The following PCDH7 variants were observed in gnomAD, a reference collection of about 807,000 sequenced individuals.
PCDH7 encodes protocadherin-7.
Under a neutral mutation model 58.9 loss-of-function variants are expected in PCDH7, and 17 were observed. That is an observed-to-expected ratio of 0.29 (90% CI 0.20 to 0.43). The LOEUF is 0.43. Among genes scored for constraint, PCDH7 ranks in the 20% least tolerant of loss-of-function variants. The pLI is 1.00. For missense variants in PCDH7, 1,274 were observed against 1,441.0 expected (o/e 0.88, Z 1.88); for synonymous variants, 664 against 616.4 (o/e 1.08, Z -1.14).
chr4:31,142,862 C>A (rs1291409957), exon 4 of PCDH7: 1 of 1,350,940 alleles, frequency 7.4e-7, no homozygotes, highest in Admixed American at 2.0e-5. Context: ...TATAAAGGAG[C>A]AACAGCAAAG....
intron 3 of PCDH7, among the ~76,000 whole-genome samples, chr4:31,087,318 A>T (rs1032515361): frequency 6.6e-6 from 1 of 152,154 alleles, no homozygotes; most frequent in East Asian, 1.9e-4. Flanking sequence ...TTTTATAAAG[A>T]TAATAGAATG....
chr4:30,991,283 G>C (rs1226117417), intron 3 of PCDH7, among the ~76,000 whole-genome samples: 1 of 152,120 alleles, frequency 6.6e-6, no homozygotes, highest in African/African-American at 2.4e-5. Flanking sequence ...CGTTTTGCCA[G>C]CCATCATTTT....
At chr4:30,961,420 C>G (rs571539926) in intron 3 of PCDH7, among the ~76,000 whole-genome samples, 1 of 151,256 alleles carries the variant, frequency 6.6e-6, no homozygotes, top group Non-Finnish European at 1.5e-5. Context: ...GGTGTGGTAG[C>G]GGGTGCCTGT....
intron 3 of PCDH7, among the ~76,000 whole-genome samples, chr4:30,956,654 G>C (rs1484207062): frequency 6.6e-6 from 1 of 152,114 alleles, no homozygotes; most frequent in Non-Finnish European, 1.5e-5. Flanking sequence ...GAATCATAAA[G>C]TATTTTACCT....
intron 1 of PCDH7, chr4:30,793,849 A>T (rs1724444670): frequency 6.6e-6 from 1 of 152,344 alleles, no homozygotes; most frequent in Admixed American, 6.5e-5. Flanking sequence ...ATAGAAGATA[A>T]GTATAAAGGT....
chr4:30,834,299 G>A (rs1039753603), intron 1 of PCDH7, among the ~76,000 whole-genome samples: 21 of 152,110 alleles, frequency 1.4e-4, no homozygotes, highest in Non-Finnish European at 2.2e-4. Context: ...AAAGGGCCCT[G>A]CTTTTTCCTT....
intron 3 of PCDH7, among the ~76,000 whole-genome samples, chr4:31,008,628 T>TA (rs1752960876): frequency 6.6e-6 from 1 of 152,136 alleles, no homozygotes; most frequent in Non-Finnish European, 1.5e-5. Flanking sequence ...ATAGCAGCTG[T>TA]AAACTATCCT....
chr4:30,924,217 G>C (rs1300832569), intron 2 of PCDH7, among the ~76,000 whole-genome samples: 1 of 152,106 alleles, frequency 6.6e-6, no homozygotes. Context: ...TGCTATGTAA[G>C]TCTTTATGAT....
chr4:30,964,637 CT>C (rs1748831203), intron 3 of PCDH7, among the ~76,000 whole-genome samples: 2 of 148,866 alleles, frequency 1.3e-5, no homozygotes, highest in African/African-American at 5.0e-5. Context: ...TTTAACCTCC[CT>C]GAGGGCAGAA....
intron 1 of PCDH7, among the ~76,000 whole-genome samples, chr4:30,913,435 T>C (rs1249716329): frequency 1.3e-5 from 2 of 152,170 alleles, no homozygotes; most frequent in Non-Finnish European, 1.5e-5. Flanking sequence ...AGTCTTCTAG[T>C]GAATTTGAAA....
chr4:31,013,454 T>G (rs1203816351), intron 3 of PCDH7, among the ~76,000 whole-genome samples: 1 of 150,354 alleles, frequency 6.7e-6, no homozygotes, highest in Non-Finnish European at 1.5e-5. Flanking sequence ...TCTTCATATA[T>G]TATATATAAT....
chr4:30,953,206 C>T (rs1162697199), intron 3 of PCDH7, among the ~76,000 whole-genome samples: 1 of 152,090 alleles, frequency 6.6e-6, no homozygotes, highest in African/African-American at 2.4e-5. Flanking sequence ...AACTTTCCAG[C>T]TTTTTCTAGC....
chr4:30,723,856 T>C lies in PCDH7; in HGVS notation c.2434T>C (p.Tyr812His), dbSNP rs1714190830. The C allele has an allele frequency of 6.2e-7, 1 of 1,613,900 alleles. No homozygotes were observed. The highest frequency in any genetic ancestry group is 1.1e-5 in the South Asian group (1 of 91,066). ...AGTGGGAAAACTCACCCAAAAGCAT[T>C]ATGGCTTGCACAGGTTGGTGGTGCA... The change falls in exon 1 of 2, where the codon TAT becomes CAT. Residue 812 changes from tyrosine to histidine, a missense_variant. This residue lies in a region of PCDH7 where 731 missense variants were observed against 881.9 expected (regional missense o/e 0.83). Coordinates refer to ENST00000361762, the Ensembl canonical transcript of PCDH7. The surrounding 1 kb of genome is among the most constrained non-coding windows in gnomAD (Gnocchi z 4.6).
At chr4:31,098,079 AC>A (rs1231684537) in intron 3 of PCDH7, among the ~76,000 whole-genome samples, 5 of 152,186 alleles carry the variant, frequency 3.3e-5, no homozygotes, top group African/African-American at 4.8e-5. Flanking sequence ...TTTAGGAAAC[AC>A]GTTGCTTGTT....
chr4:31,103,087 T>C (rs2109302474), intron 3 of PCDH7, among the ~76,000 whole-genome samples: 1 of 152,326 alleles, frequency 6.6e-6, no homozygotes, highest in Non-Finnish European at 1.5e-5. Context: ...CATTTTCTGG[T>C]CAAATATTTA....
At chr4:31,034,664 G>C (rs557952636) in intron 3 of PCDH7, among the ~76,000 whole-genome samples, 1 of 151,932 alleles carries the variant, frequency 6.6e-6, no homozygotes, top group Admixed American at 6.6e-5. Context: ...AAAATCTATC[G>C]TCATTTCATC....
chr4:30,806,535 A>G (rs1033753008), intron 1 of PCDH7, among the ~76,000 whole-genome samples: 1 of 151,292 alleles, frequency 6.6e-6, no homozygotes, highest in Non-Finnish European at 1.5e-5. Flanking sequence ...CGAACTCCTG[A>G]CCTCGTGATC....
intron 3 of PCDH7, among the ~76,000 whole-genome samples, chr4:31,026,511 T>G (rs969506193): frequency 6.6e-6 from 1 of 152,224 alleles, no homozygotes; most frequent in African/African-American, 2.4e-5. Context: ...TAAATTTGTA[T>G]GCAGATATTG....
chr4:30,783,990 G>T lies in PCDH7; in HGVS notation c.70+59394G>T, dbSNP rs192643978. Among the ~76,000 whole-genome samples the T allele has an allele frequency of 2.0e-4, 30 of 152,024 alleles. No individual in the cohort carries two copies. In the East Asian group the frequency reaches 4.8e-3, roughly 25 times the overall value. On this transcript the variant is annotated intron_variant, in intron 1 of 3. Transcript: ENST00000509759. Reference sequence around the variant, plus strand: ...TGAGAGACTTGTTGCCTGAGTGATAGAACAAATCCAGGAGAAAGGTTGAAA... The same window carrying T: ...TGAGAGACTTGTTGCCTGAGTGATATAACAAATCCAGGAGAAAGGTTGAAA...
Sources: gnomAD v4.1 joint callset for allele counts (sites outside exome capture counted in the v4.1 genomes callset) on GRCh38, gnomAD v4.1.1 for gene constraint, gnomAD v4.1.1 regional missense constraint, Gnocchi (gnomAD v3.1) non-coding constraint, MANE v1.5 for transcripts, NCBI Gene and HGNC (gene_info 2026-07-23, HGNC 2026-07-21) for gene names.